Variants in PLCB4 observed in about 807,000 individuals in gnomAD.
The protein encoded by PLCB4 is 1-phosphatidylinositol 4,5-bisphosphate phosphodiesterase beta-4.
Under a neutral mutation model 178.8 loss-of-function variants are expected in PLCB4, and 77 were observed. The ratio of observed to expected loss-of-function variants is 0.43; its 90% CI spans 0.36 to 0.52. PLCB4 has a LOEUF of 0.52. PLCB4 is among the 20% of genes least tolerant of loss of function. The pLI, the probability that PLCB4 is intolerant of heterozygous loss-of-function variation, is 0.00. For missense variants in PLCB4, 1,024 were observed against 1,453.4 expected (o/e 0.70, Z 4.80); for synonymous variants, 496 against 490.8 (o/e 1.01, Z -0.14).
At chr20:9,166,865 T>C (rs1484028355) in intron 2 of PLCB4, among the ~76,000 whole-genome samples, 2 of 152,164 alleles carry the variant, frequency 1.3e-5, no homozygotes, top group African/African-American at 2.4e-5. Context: ...TAGAAAATAC[T>C]ATATTGCTTA....
At chr20:9,214,335 T>C (rs2093705202) in intron 2 of PLCB4, among the ~76,000 whole-genome samples, 1 of 152,176 alleles carries the variant, frequency 6.6e-6, no homozygotes, top group South Asian at 2.1e-4. Flanking sequence ...CGTTTGCGTG[T>C]GAGATACCAT....
chr20:9,389,725 T>C (rs1220049841), intron 15 of PLCB4, among the ~76,000 whole-genome samples, 154 bp from the exon 16 acceptor site: 1 of 152,242 alleles, frequency 6.6e-6, no homozygotes, highest in African/African-American at 2.4e-5. Flanking sequence ...CACAGGGAAC[T>C]CAACCTTTAG....
chr20:9,455,364 C>A (rs1032528560), intron 33 of PLCB4, among the ~76,000 whole-genome samples: 2 of 152,134 alleles, frequency 1.3e-5, no homozygotes, highest in African/African-American at 4.8e-5. Flanking sequence ...GAGTAAATTT[C>A]TTTGCTAAAA....
At chr20:9,144,276 C>A (rs2092551274) in intron 2 of PLCB4, among the ~76,000 whole-genome samples, 1 of 151,994 alleles carries the variant, frequency 6.6e-6, no homozygotes, top group African/African-American at 2.4e-5. Context: ...CCTGGTATGA[C>A]CATTGATGTG....
At chr20:9,328,917 G>A (rs958499572) in intron 4 of PLCB4, among the ~76,000 whole-genome samples, 5 of 152,170 alleles carry the variant, frequency 3.3e-5, no homozygotes, top group African/African-American at 7.2e-5. Context: ...TGCCACTTCC[G>A]CAGTGAAATG....
chr20:9,364,825 C>A (rs2035636569), intron 8 of PLCB4, among the ~76,000 whole-genome samples: 1 of 152,186 alleles, frequency 6.6e-6, no homozygotes, highest in African/African-American at 2.4e-5. Flanking sequence ...GATAAATGTT[C>A]TGAGTCTCCT....
intron 38 of PLCB4, among the ~76,000 whole-genome samples, chr20:9,475,614 G>C (rs1248899294): frequency 6.6e-6 from 1 of 152,164 alleles, no homozygotes; most frequent in African/African-American, 2.4e-5. Context: ...TCATACTGAT[G>C]CTTCTGGCAA....
chr20:9,291,153 A>G (rs2206137), intron 3 of PLCB4, among the ~76,000 whole-genome samples: 14,565 of 152,244 alleles, frequency 0.096, 1,231 homozygotes, highest in East Asian at 0.32. Context: ...ATTTACTTAT[A>G]AAACTATAAA....
At chr20:9,447,375 G>A (rs961860837) in intron 32 of PLCB4, among the ~76,000 whole-genome samples, 4 of 152,146 alleles carry the variant, frequency 2.6e-5, no homozygotes, top group Non-Finnish European at 5.9e-5. Flanking sequence ...GCTGATTTAG[G>A]TCAGCCTCTG....
chr20:9,074,399 A>G (rs1418459544), intron 1 of PLCB4, among the ~76,000 whole-genome samples: 1 of 152,204 alleles, frequency 6.6e-6, no homozygotes, highest in Non-Finnish European at 1.5e-5. Flanking sequence ...TGCCTTTCTT[A>G]TGCTCCTGAA....
chr20:9,120,305 A>G (rs1010933748), intron 2 of PLCB4, among the ~76,000 whole-genome samples: 17 of 152,100 alleles, frequency 1.1e-4, no homozygotes, highest in African/African-American at 4.1e-4. Flanking sequence ...TCTTATTCAA[A>G]TTCCCATTTC....
chr20:9,302,532 G>T (rs1218896650), intron 3 of PLCB4, among the ~76,000 whole-genome samples: 2 of 152,024 alleles, frequency 1.3e-5, no homozygotes, highest in Non-Finnish European at 2.9e-5. Context: ...TTCAAATTGG[G>T]AACACTCAGG....
At chr20:9,409,230 A>G in intron 24 of PLCB4, 49 bp downstream of exon 24, 3 of 1,518,906 alleles carry the variant, frequency 2.0e-6, no homozygotes, top group East Asian at 2.3e-5. Context: ...ACACTTTGAC[A>G]GGATGGTGCC....
At chr20:9,194,016 A>C (rs941459401) in intron 2 of PLCB4, among the ~76,000 whole-genome samples, 1 of 152,116 alleles carries the variant, frequency 6.6e-6, no homozygotes, top group African/African-American at 2.4e-5. Flanking sequence ...TTTTTAAAAA[A>C]AATTGGAAGC....
intron 2 of PLCB4, among the ~76,000 whole-genome samples, chr20:9,135,091 G>A (rs1226464282): frequency 1.3e-5 from 2 of 151,874 alleles, no homozygotes; most frequent in Non-Finnish European, 2.9e-5. Flanking sequence ...GGAATGTTAG[G>A]GTAGAAAGAA....
At chr20:9,195,727 C>T (rs1601064605) in intron 2 of PLCB4, among the ~76,000 whole-genome samples, 1 of 152,120 alleles carries the variant, frequency 6.6e-6, no homozygotes, top group Non-Finnish European at 1.5e-5. Flanking sequence ...TCCCGGCTCT[C>T]CAACAGATTG....
intron 3 of PLCB4, among the ~76,000 whole-genome samples, chr20:9,304,213 A>C (rs73609449): frequency 0.03 from 4,599 of 151,066 alleles, 238 homozygotes; most frequent in African/African-American, 0.11. Context: ...CTCAAGAATG[A>C]TTAAGGGGTG....
At chr20:9,365,144 G>C (rs2035667190) in intron 8 of PLCB4, among the ~76,000 whole-genome samples, 1 of 152,170 alleles carries the variant, frequency 6.6e-6, no homozygotes, top group Non-Finnish European at 1.5e-5. Context: ...AGATAAAATA[G>C]AGGACACTTA....
At chr20:9,285,967 G>A (rs2094533218) in intron 3 of PLCB4, among the ~76,000 whole-genome samples, 1 of 152,060 alleles carries the variant, frequency 6.6e-6, no homozygotes, top group African/African-American at 2.4e-5. Context: ...TGACATTATA[G>A]GCATGTCTGT....
Sources: allele counts gnomAD v4.1 joint callset (sites outside exome capture counted in the v4.1 genomes callset), GRCh38; gene constraint gnomAD v4.1.1; transcripts MANE v1.5; gene names NCBI Gene and HGNC (gene_info 2026-07-23, HGNC 2026-07-21).